Variants in GABPA observed in about 807,000 individuals in gnomAD.
GABPA encodes GA binding protein transcription factor subunit alpha.
A neutral mutation model predicts 59.4 loss-of-function variants in GABPA; 4 were observed. The ratio of observed to expected loss-of-function variants is 0.07; its 90% CI spans 0.03 to 0.15. The LOEUF (loss-of-function observed/expected upper bound fraction) is 0.15, where lower values mean the gene tolerates loss of function less well. Among genes scored for constraint, GABPA ranks in the 10% least tolerant of loss-of-function variants. The probability of loss-of-function intolerance (pLI) is 1.00; values close to 1 mark genes in which losing one functional copy is unlikely to be tolerated. For missense variants in GABPA, 251 were observed against 543.8 expected (o/e 0.46, Z 5.36); for synonymous variants, 164 against 183.1 (o/e 0.90, Z 0.84).
In GABPA at chr21:25,769,085, T is replaced by G. The variant is rs1297274892; in HGVS notation, c.1218T>G (p.Leu406=). 1 of 1,613,522 alleles carries G rather than the reference T, an allele frequency of 6.2e-7. No individual in the cohort carries two copies. ...VYKFVCDLKT[L]IGYSAAELNR... ...AGTTTGTCTGTGACTTGAAGACTCTTATTGGATACAGTGCAGCGGAGTTGA... is the reference window on the plus strand; with the variant it reads ...AGTTTGTCTGTGACTTGAAGACTCTGATTGGATACAGTGCAGCGGAGTTGA... The change falls in exon 10 of 10, where the codon CTT becomes CTG. Residue 406 remains leucine, a synonymous_variant. Transcript: ENST00000400075.
At chr21:25,744,172 A>G (rs760006969) in intron 2 of GABPA, among the ~76,000 whole-genome samples, 3 of 151,682 alleles carry the variant, frequency 2.0e-5, no homozygotes, top group Non-Finnish European at 4.4e-5. Flanking sequence ...CTTGTTTTTA[A>G]TCATGAGGGT....
At chr21:25,746,348 A>G (rs1259107083) in intron 3 of GABPA, among the ~76,000 whole-genome samples, 2 of 152,072 alleles carry the variant, frequency 1.3e-5, no homozygotes, top group African/African-American at 2.4e-5. Flanking sequence ...AACTTAGATT[A>G]ATGTATATTG....
At chr21:25,763,775 G>A (rs1267420071) in intron 7 of GABPA, among the ~76,000 whole-genome samples, 1 of 152,124 alleles carries the variant, frequency 6.6e-6, no homozygotes, top group Admixed American at 6.6e-5. Flanking sequence ...GAACATGTGT[G>A]AGATGTTCGT....
chr21:25,757,631 A>AT (rs1045589287), intron 5 of GABPA, among the ~76,000 whole-genome samples: 23 of 152,004 alleles, frequency 1.5e-4, no homozygotes, highest in African/African-American at 5.3e-4. Flanking sequence ...TCCCCTTTTG[A>AT]TTTTTTTTCA....
intron 2 of GABPA, among the ~76,000 whole-genome samples, chr21:25,742,813 T>G (rs1350472414): frequency 1.3e-5 from 2 of 151,498 alleles, no homozygotes; most frequent in East Asian, 3.9e-4. Flanking sequence ...TCCCAGCTAC[T>G]CTGGAGGCTG....
chr21:25,759,678 T>TA (rs1362428580), intron 6 of GABPA, among the ~76,000 whole-genome samples: 2 of 152,192 alleles, frequency 1.3e-5, no homozygotes, highest in Non-Finnish European at 2.9e-5. Context: ...TTTCCATTCT[T>TA]ACTAGATAAG....
At chr21:25,757,584 G>A (rs917966266) in intron 5 of GABPA, among the ~76,000 whole-genome samples, 1 of 152,040 alleles carries the variant, frequency 6.6e-6, no homozygotes, top group Non-Finnish European at 1.5e-5. Flanking sequence ...AAAAGGATAT[G>A]GTTCATAGTT....
At chr21:25,762,244 G>GTT (rs1173887046) in intron 6 of GABPA, 68 bp from the exon 7 acceptor site, 3 of 802,544 alleles carry the variant, frequency 3.7e-6, no homozygotes, top group African/African-American at 3.5e-5. Flanking sequence ...ATTAAGTTGA[G>GTT]TTTTATTGGA....
In GABPA at chr21:25,741,483, T is replaced by C. The variant is rs145211008; in HGVS notation, c.-26-90T>C. 2,328 of 529,052 alleles carry C rather than the reference T, an allele frequency of 4.4e-3. 13 individuals carry two copies. Among genetic ancestry groups the C allele is most frequent in the Non-Finnish European group, 4.3e-3 (1,328 of 306,038 alleles). The allele number at this position is 529,052 out of a possible 1,614,324, so 32.8% of individuals were successfully genotyped here. ...ACTTCCCCCTCTTCTGCTTGGCGTT[T>C]GCTTTTTATTTGGATTGGGTCTCTA... On this transcript the variant is annotated intron_variant, in intron 1 of 9. Transcript: ENST00000400075.
chr21:25,748,695 T>C (rs1204358782), intron 3 of GABPA, among the ~76,000 whole-genome samples: 1 of 152,226 alleles, frequency 6.6e-6, no homozygotes, highest in Non-Finnish European at 1.5e-5. Flanking sequence ...CTTTTACTTA[T>C]TCATGACAGA....
At chr21:25,760,469 G>T (rs973236430) in intron 6 of GABPA, among the ~76,000 whole-genome samples, 1 of 152,108 alleles carries the variant, frequency 6.6e-6, no homozygotes, top group Non-Finnish European at 1.5e-5. Flanking sequence ...TCCTTCTTCA[G>T]ATATTTGTAT....
chr21:25,764,798 ATTAC>A lies in GABPA; in HGVS notation c.1136+14_1136+17del. ...CAGTCGTGCATTAAGGTAAGCCTTT[ATTAC>A]TTTTTTTTCTGTTATCAAAAATAGA... is the stretch of plus-strand genomic sequence containing the variant. On this transcript the variant is annotated intron_variant, in intron 9 of 9. Transcript: ENST00000400075. 1 of 1,518,098 alleles carries A rather than the reference ATTAC, an allele frequency of 6.6e-7. No homozygotes were observed. Among genetic ancestry groups the A allele is most frequent in the Non-Finnish European group, 8.8e-7 (1 of 1,138,990 alleles). The allele number at this position is 1,518,098 out of a possible 1,614,324, so 94.0% of individuals were successfully genotyped here. A position where few individuals can be genotyped will look rare whatever the true frequency, so the allele number is the denominator to read the frequency against.
At chr21:25,764,934 A>G (rs945753511) in intron 9 of GABPA, 147 bp downstream of exon 9, 3 of 552,526 alleles carry the variant, frequency 5.4e-6, no homozygotes, top group Non-Finnish European at 8.8e-6. Flanking sequence ...AAACCTTTTT[A>G]AAAAGATCTT....
At chr21:25,752,659 A>T (rs554795944) in intron 5 of GABPA, among the ~76,000 whole-genome samples, 64 of 152,344 alleles carry the variant, frequency 4.2e-4, no homozygotes, top group African/African-American at 1.5e-3. Flanking sequence ...GACATTTAAG[A>T]CAGGAAATGT....
chr21:25,749,924 T>G (rs2035465224), intron 4 of GABPA, among the ~76,000 whole-genome samples: 2 of 152,370 alleles, frequency 1.3e-5, no homozygotes, highest in South Asian at 4.1e-4. Flanking sequence ...AAGACAGTTT[T>G]TCCGTGGATT....
chr21:25,768,980 T>TG (rs772125113), intron 9 of GABPA, 24 bp from the exon 10 acceptor site: 77 of 1,512,914 alleles, frequency 5.1e-5, no homozygotes, highest in East Asian at 5.0e-4. Context: ...CTGAAGTCTC[T>TG]AATTTTTTTT....
At chr21:25,758,926 C>T (rs532062985) in intron 6 of GABPA, among the ~76,000 whole-genome samples, 11 of 152,132 alleles carry the variant, frequency 7.2e-5, no homozygotes, top group South Asian at 2.1e-4. Context: ...AAAAAATAGG[C>T]GGACAAGGTG....
chr21:25,749,899 G>A (rs1429128812), intron 4 of GABPA, among the ~76,000 whole-genome samples: 2 of 152,132 alleles, frequency 1.3e-5, no homozygotes, highest in Admixed American at 1.3e-4. Flanking sequence ...TTGGCACCAG[G>A]GACCAGTTTC....
chr21:25,744,447 A>G (rs1210889760), intron 2 of GABPA, among the ~76,000 whole-genome samples: 1 of 152,222 alleles, frequency 6.6e-6, no homozygotes, highest in Non-Finnish European at 1.5e-5. Flanking sequence ...TTTTTAATGC[A>G]TACTGTTTTT....
Sources: allele counts gnomAD v4.1 joint callset (sites outside exome capture counted in the v4.1 genomes callset), GRCh38; gene constraint gnomAD v4.1.1; transcripts MANE v1.5; gene names NCBI Gene and HGNC (gene_info 2026-07-23, HGNC 2026-07-21).